CTDP1: variants seen among roughly 807,000 people sequenced by gnomAD.
CTDP1 encodes the protein RNA polymerase II subunit A C-terminal domain phosphatase.
In CTDP1, 47 loss-of-function variants were observed where a neutral mutation model predicts 91.8. The ratio of observed to expected loss-of-function variants is 0.51; its 90% confidence interval spans 0.41 to 0.65. The LOEUF (loss-of-function observed/expected upper bound fraction) is 0.65, where lower values mean the gene tolerates loss of function less well. CTDP1 is among the 30% of genes least tolerant of loss of function. The pLI is 0.00. For missense variants in CTDP1, 1,272 were observed against 1,373.7 expected (o/e 0.93, Z 1.17); for synonymous variants, 656 against 598.5 (o/e 1.10, Z -1.40).
chr18:79,709,635 C>T (rs146218731), intron 5 of CTDP1, among the ~76,000 whole-genome samples: 5 of 152,340 alleles, frequency 3.3e-5, no homozygotes, highest in Non-Finnish European at 5.9e-5. Context: ...GCGGATTCTT[C>T]GCTGTGGAAG....
chr18:79,715,368 CGTG>C lies in CTDP1; in HGVS notation c.1910_1912del (p.Val637del). 6.2e-7 allele frequency: 1 copy of C among 1,608,302 alleles called. No homozygotes were observed. The highest frequency in any genetic ancestry group is 8.5e-7 in the Non-Finnish European group (1 of 1,177,320). On this transcript the variant is annotated inframe_deletion, in exon 8 of 13. Transcript: ENST00000613122. ...AGCTCAAGAGCAAGGTGCTGGCAGA[CGTG>C]GCCATAATTTTCAGTGGGCTACACC...
rs2086394177 is a variant in CTDP1, at chr18:79,723,864, C to T, written c.2418-5043C>T. Among the ~76,000 whole-genome samples, 12 of 152,318 alleles carry T rather than the reference C, an allele frequency of 7.9e-5. No individual in the cohort carries two copies. In the South Asian group the frequency reaches 2.5e-3, roughly 32 times the overall value. On this transcript the variant is annotated intron_variant, in intron 10 of 12. Coordinates refer to ENST00000613122, the MANE Select transcript of CTDP1 (RefSeq NM_004715.5). ...CGGAGTGCTGTGTACGGCAAGTCGG[C>T]AACCTTCTGGAGTTGGCCCTCCTCC...
intron 1 of CTDP1, 62 bp downstream of exon 1, chr18:79,680,323 C>A: frequency 4.2e-6 from 5 of 1,204,610 alleles, no homozygotes; most frequent in Non-Finnish European, 5.2e-6. Flanking sequence ...TCCTGGAGGA[C>A]CCCCGGGCTG....
rs2086863356 is a variant in CTDP1, at chr18:79,745,340, TGTGCCCGC to T, written c.2748-8309_2748-8302del. On this transcript the variant is annotated intron_variant, in intron 12 of 12. Coordinates refer to ENST00000613122, the MANE Select transcript of CTDP1 (RefSeq NM_004715.5). ...CCCTGCGTCCCTCCCGTGCGCGTTC[TGTGCCCGC>T]GTCCCTCCCGTGCGCGTTCTGTGCC... Among the ~76,000 whole-genome samples the T allele has an allele frequency of 3.5e-4, 33 of 93,842 alleles. 3 individuals are homozygous for T. The highest frequency in any genetic ancestry group is 6.2e-4 in the Non-Finnish European group (30 of 48,594). The allele number at this position is 93,842 out of a possible 152,430, so 61.6% of individuals were successfully genotyped here.
intron 8 of CTDP1, among the ~76,000 whole-genome samples, chr18:79,716,626 C>T (rs2086214874): frequency 6.6e-6 from 1 of 151,734 alleles, no homozygotes; most frequent in East Asian, 1.9e-4. Context: ...GCGTGTCTGC[C>T]CAGCTCCTGA....
In CTDP1 at chr18:79,717,857, C is replaced by T. The variant is rs2086250575; in HGVS notation, c.2258C>T (p.Thr753Ile). Residue 753 changes from threonine to isoleucine, a missense_variant, in exon 10 of 13, where the codon ACC (threonine) becomes ATC (isoleucine). Transcript: ENST00000613122. ...AFPDREGVPP[T>I]ALFHPMPVLP... is the part of the protein sequence containing the mutation. ...CCCGACCGGGAGGGTGTGCCCCCCA[C>T]CGCCTTGTTCCACCCGATGCCGGTT... is the stretch of plus-strand genomic sequence containing the variant. 6.2e-7 allele frequency: 1 copy of T among 1,613,684 alleles called. No homozygotes were observed. The highest frequency in any genetic ancestry group is 8.5e-7 in the Non-Finnish European group (1 of 1,180,008).
intron 1 of CTDP1, among the ~76,000 whole-genome samples, chr18:79,682,632 T>C (rs988276266): frequency 6.6e-6 from 1 of 152,214 alleles, no homozygotes; most frequent in Non-Finnish European, 1.5e-5. Context: ...CGCCCAACAC[T>C]GTTTGCTGGG....
rs757586210 is a variant in CTDP1, at chr18:79,704,935, C to G, written c.772+18C>G. 6.2e-7 allele frequency: 1 copy of G among 1,612,550 alleles called. No individual in the cohort carries two copies. Among genetic ancestry groups the G allele is most frequent in the African/African-American group, 1.3e-5 (1 of 75,030 alleles). Reference sequence around the variant, plus strand: ...CATCGCAGGTCAGTCAAGCCGCAGCCGAAGAGGCCGTGTGAACAGTGGGTT... The same window carrying G: ...CATCGCAGGTCAGTCAAGCCGCAGCGGAAGAGGCCGTGTGAACAGTGGGTT... On this transcript the variant is annotated intron_variant, in intron 5 of 12. Coordinates refer to ENST00000613122, the MANE Select transcript of CTDP1 (RefSeq NM_004715.5).
chr18:79,681,571 T>C (rs1318854324), intron 1 of CTDP1: 1 of 892,524 alleles, frequency 1.1e-6, no homozygotes, highest in Non-Finnish European at 1.3e-6. Flanking sequence ...GTTCAGTCAG[T>C]CTAGTGAATA....
At chr18:79,735,344 A>G (rs1020632790) in intron 11 of CTDP1, among the ~76,000 whole-genome samples, 7 of 152,072 alleles carry the variant, frequency 4.6e-5, no homozygotes, top group African/African-American at 1.4e-4. Flanking sequence ...GCCCCGCCTC[A>G]CCTGCCTGTC....
At chr18:79,691,277 C>A (rs1054190312) in intron 1 of CTDP1, among the ~76,000 whole-genome samples, 1 of 152,230 alleles carries the variant, frequency 6.6e-6, no homozygotes, top group African/African-American at 2.4e-5. Context: ...TCAGGCTGCG[C>A]TGGTGGCCCA....
chr18:79,740,269 G>A (rs981772399), intron 12 of CTDP1, among the ~76,000 whole-genome samples: 1 of 152,238 alleles, frequency 6.6e-6, no homozygotes, highest in African/African-American at 2.4e-5. Flanking sequence ...TGGACGTGTG[G>A]CCGCGATAGC....
chr18:79,747,465 C>T (rs1363207570), intron 12 of CTDP1, among the ~76,000 whole-genome samples: 2 of 152,224 alleles, frequency 1.3e-5, no homozygotes, highest in African/African-American at 4.8e-5. Context: ...CTCTCAGCAG[C>T]AGACCAGCTC....
Position 79,680,135 on chromosome 18 carries a change from C to T in CTDP1, c.188C>T (p.Ala63Val), listed in dbSNP as rs562220773. The change falls in exon 1 of 13, where the codon GCC (alanine) becomes GTC (valine). Residue 63 changes from alanine to valine, a missense_variant. Physicochemically the swap from Ala to Val is moderately conservative, Grantham distance 64. Around this residue, in one of 3 missense-constraint regions of CTDP1, gnomAD observed 214 missense variants for 179.1 expected, o/e 1.19. Coordinates refer to ENST00000613122, the MANE Select transcript of CTDP1 (RefSeq NM_004715.5). Reference sequence around the variant, plus strand: ...GCCGCCTCCGCGCAGTCCTCCGGGGCCTCTCAGTCCCGTGTAGCCTCCGGG... The same window carrying T: ...GCCGCCTCCGCGCAGTCCTCCGGGGTCTCTCAGTCCCGTGTAGCCTCCGGG... ...EAAASAQSSG[A>V]SQSRVASGGC... is the part of the protein sequence containing the mutation. 19 of 1,430,562 alleles carry T rather than the reference C, an allele frequency of 1.3e-5. No homozygotes were observed. The highest frequency in any genetic ancestry group is 5.1e-5 in the Admixed American group (2 of 38,974). 88.6% of individuals were successfully genotyped at this position (1,430,562 alleles called of 1,614,324 possible).
chr18:79,705,010 G>A, intron 5 of CTDP1, 93 bp downstream of exon 5: 4 of 1,536,868 alleles, frequency 2.6e-6, no homozygotes, highest in Non-Finnish European at 8.9e-7. Context: ...AAGAAAAGAA[G>A]CTCTCCTGCA....
chr18:79,730,871 A>G (rs2086552246), intron 11 of CTDP1, among the ~76,000 whole-genome samples: 1 of 152,196 alleles, frequency 6.6e-6, no homozygotes, highest in South Asian at 2.1e-4. Context: ...TCTGACCTGC[A>G]CAGCTGTGAG....
rs2087047142 is a variant in CTDP1 at position 79,753,715 on chromosome 18, C to T, written c.2811C>T (p.Asn937=). The T allele has an allele frequency of 5.6e-6, 9 of 1,613,978 alleles. No individual in the cohort carries two copies. Among genetic ancestry groups the T allele is most frequent in the African/African-American group, 2.7e-5 (2 of 74,934 alleles). The change falls in exon 13 of 13, where the codon AAC becomes AAT. Residue 937 remains asparagine, a synonymous_variant. Transcript: ENST00000613122. ...GCGAGTCCAGCAGGGAGTCCAGCAA[C>T]GAGGATGAGGGCAGCAGCTCCGAGG... ...AASESSRESS[N]EDEGSSSEAD...
At chr18:79,695,449 A>ATTAGG in intron 2 of CTDP1, 141 bp downstream of exon 2, 1 of 744,036 alleles carries the variant, frequency 1.3e-6, no homozygotes, top group Non-Finnish European at 2.4e-6. Flanking sequence ...TGGGCCCCAT[A>ATTAGG]CGAGTCACAC....
In CTDP1 at chr18:79,695,973, G is replaced by A. The variant is rs1224565022; in HGVS notation, c.399-4G>A. ...AAGCCCTGAACCTGTCCTTGCACTT[G>A]CAGGTTGCAGAGTAAGAACGGGAAG... is the stretch of plus-strand genomic sequence containing the variant. On this transcript the variant is annotated splice_polypyrimidine_tract_variant and splice_region_variant and intron_variant, in intron 2 of 12. Transcript: ENST00000613122. 3.1e-6 allele frequency: 5 copies of A among 1,611,552 alleles called. No individual in the cohort carries two copies. Among genetic ancestry groups the A allele is most frequent in the Middle Eastern group, 1.7e-4 (1 of 6,060 alleles).
Sources: gnomAD v4.1 joint callset for allele counts (sites outside exome capture counted in the v4.1 genomes callset) on GRCh38, gnomAD v4.1.1 for gene constraint, gnomAD v4.1.1 regional missense constraint, MANE v1.5 for transcripts, NCBI Gene and HGNC (gene_info 2026-07-23, HGNC 2026-07-21) for gene names.